Variants in LIPC observed in about 807,000 individuals in gnomAD.
LIPC encodes the protein lipase C, hepatic type.
In LIPC, 44 loss-of-function variants were observed where a neutral mutation model predicts 50.7. The ratio of observed to expected loss-of-function variants is 0.87; its 90% CI spans 0.68 to 1.11. The LOEUF (loss-of-function observed/expected upper bound fraction) is 1.11. Among genes scored for constraint, LIPC ranks in the 50% most tolerant of loss-of-function variants. The pLI is 0.00. For missense variants in LIPC, 697 were observed against 648.2 expected (o/e 1.08, Z -0.82); for synonymous variants, 271 against 256.4 (o/e 1.06, Z -0.54).
intron 1 of LIPC, among the ~76,000 whole-genome samples, chr15:58,450,544 A>C (rs1422588992): frequency 6.6e-6 from 1 of 152,208 alleles, no homozygotes; most frequent in East Asian, 1.9e-4. Flanking sequence ...AACAATGTGC[A>C]ATTTAAATCT....
chr15:58,531,321 G>T (rs1376146547), intron 1 of LIPC, among the ~76,000 whole-genome samples: 1 of 152,060 alleles, frequency 6.6e-6, no homozygotes. Context: ...ACCTACACAG[G>T]GTGGAATGTG....
intron 1 of LIPC, among the ~76,000 whole-genome samples, chr15:58,487,159 G>C (rs1230844645): frequency 6.6e-6 from 1 of 152,226 alleles, no homozygotes; most frequent in Non-Finnish European, 1.5e-5. Flanking sequence ...AAGTACTTAT[G>C]AGATTTTCAA....
chr15:58,484,934 T>C (rs1891317085), intron 1 of LIPC, among the ~76,000 whole-genome samples: 1 of 152,108 alleles, frequency 6.6e-6, no homozygotes, highest in Admixed American at 6.5e-5. Context: ...GAGTGCAATG[T>C]GTTCCAGGAA....
chr15:58,533,082 C>T (rs1437817106), intron 1 of LIPC: 1 of 812,630 alleles, frequency 1.2e-6, no homozygotes, highest in Non-Finnish European at 1.5e-6. Context: ...GATCACTTAC[C>T]TCAATTTAAT....
intron 4 of LIPC, among the ~76,000 whole-genome samples, chr15:58,543,210 C>A (rs1393171824): frequency 6.6e-6 from 1 of 152,158 alleles, no homozygotes; most frequent in Non-Finnish European, 1.5e-5. Context: ...TCCTCCCAGG[C>A]TTCCGTGACA....
rs533232238 is a variant in LIPC at position 58,452,714 on chromosome 15, G to A, written c.88+20594G>A. 2.9e-4 allele frequency among the ~76,000 whole-genome samples: 44 copies of A among 151,802 alleles called. 1 individual carries two copies. Among genetic ancestry groups the A allele is most frequent in the African/African-American group, 9.2e-4 (38 of 41,350 alleles). On this transcript the variant is annotated intron_variant, in intron 1 of 8. Transcript: ENST00000299022. ...TCACTCCTCTTTTCTCTGGAGCACC[G>A]TGGGGTAGGGTGGAGTGGGATGGGG...
At chr15:58,501,982 C>G (rs573812476) in intron 1 of LIPC, among the ~76,000 whole-genome samples, 1 of 152,124 alleles carries the variant, frequency 6.6e-6, no homozygotes, top group African/African-American at 2.4e-5. Context: ...ACCCACTCTC[C>G]TGGGGAGGCT....
At chr15:58,481,579 G>A (rs1323438987) in intron 1 of LIPC, among the ~76,000 whole-genome samples, 1 of 152,210 alleles carries the variant, frequency 6.6e-6, no homozygotes, top group Admixed American at 6.5e-5. Flanking sequence ...GAGGCAGGCA[G>A]ATCACCTGAG....
intron 1 of LIPC, among the ~76,000 whole-genome samples, chr15:58,437,879 C>G (rs1055184697): frequency 1.3e-5 from 2 of 152,208 alleles, no homozygotes; most frequent in Admixed American, 1.3e-4. Context: ...CCATCCATGG[C>G]CATCCTTCCT....
intron 1 of LIPC, among the ~76,000 whole-genome samples, chr15:58,448,750 A>C (rs1893792685): frequency 6.6e-6 from 1 of 152,276 alleles, no homozygotes. Context: ...TTAAAAAGTC[A>C]GATGTCTGGC....
chr15:58,462,882 T>C lies in LIPC; in HGVS notation c.88+30762T>C, dbSNP rs563616970. Among the ~76,000 whole-genome samples the C allele has an allele frequency of 5.3e-5, 8 of 152,318 alleles. No homozygotes were observed. In the South Asian group the frequency reaches 1.7e-3, roughly 32 times the overall value. On this transcript the variant is annotated intron_variant, in intron 1 of 8. Coordinates refer to ENST00000299022, the MANE Select transcript of LIPC (RefSeq NM_000236.3). ...TGAGCTCTGCTGGTCCGCTGGGCCC[T>C]GCCTGCAGAGTTATTGGCGGAGTTA...
intron 1 of LIPC, among the ~76,000 whole-genome samples, chr15:58,449,101 G>T (rs689314): frequency 0.13 from 19,722 of 152,074 alleles, 1,357 homozygotes; most frequent in Middle Eastern, 0.21. Flanking sequence ...GGGGAGGAGG[G>T]AGCGATTAGT....
chr15:58,560,370 C>T (rs1223891206), intron 6 of LIPC, among the ~76,000 whole-genome samples: 1 of 152,180 alleles, frequency 6.6e-6, no homozygotes, highest in Non-Finnish European at 1.5e-5. Context: ...AATATAAACG[C>T]TTGGTCACTA....
At chr15:58,546,009 CTA>C in intron 5 of LIPC, 34 bp downstream of exon 5, 2 of 1,533,870 alleles carry the variant, frequency 1.3e-6, no homozygotes, top group South Asian at 1.1e-5. Context: ...GAGCACCGGC[CTA>C]CATTTCAATG....
intron 1 of LIPC, among the ~76,000 whole-genome samples, chr15:58,459,397 C>CTT (rs1403092193): frequency 9.1e-6 from 1 of 110,372 alleles, no homozygotes; most frequent in African/African-American, 3.3e-5. Flanking sequence ...CGACTTTTTT[C>CTT]TTTCTTTTTT....
At chr15:58,447,031 C>T (rs1439234554) in intron 1 of LIPC, among the ~76,000 whole-genome samples, 4 of 151,232 alleles carry the variant, frequency 2.6e-5, no homozygotes, top group Non-Finnish European at 5.9e-5. Flanking sequence ...GCCTGTAGTC[C>T]CAGCTACTTG....
At chr15:58,515,806 G>T (rs2140865906) in intron 1 of LIPC, among the ~76,000 whole-genome samples, 1 of 152,236 alleles carries the variant, frequency 6.6e-6, no homozygotes, top group African/African-American at 2.4e-5. Flanking sequence ...GGTGCCTAAA[G>T]TTCATGGCTT....
intron 6 of LIPC, among the ~76,000 whole-genome samples, chr15:58,559,478 C>A (rs2414600): frequency 0.95 from 144,375 of 152,180 alleles, 68,687 homozygotes; most frequent in Middle Eastern, 0.99. Context: ...TCATCTTGCC[C>A]CAAGCCCGGA....
intron 8 of LIPC, among the ~76,000 whole-genome samples, chr15:58,567,348 T>TATGTATATATATATAC (rs1894421972): frequency 2.5e-5 from 2 of 79,884 alleles, no homozygotes; most frequent in Non-Finnish European, 4.2e-5. Flanking sequence ...TGTATATGTA[T>TATGTATATATATATAC]ATATATATAT....
Sources: allele counts gnomAD v4.1 joint callset (sites outside exome capture counted in the v4.1 genomes callset), GRCh38; gene constraint gnomAD v4.1.1; transcripts MANE v1.5; gene names NCBI Gene and HGNC (gene_info 2026-07-23, HGNC 2026-07-21).